ERC2: variants seen among roughly 807,000 people sequenced by gnomAD.
ERC2 encodes ERC protein 2.
In ERC2, 42 loss-of-function variants were observed where a neutral mutation model predicts 114.8. The observed-to-expected ratio is 0.37, with a 90% CI of 0.29 to 0.47. The LOEUF (loss-of-function observed/expected upper bound fraction) is 0.47. ERC2 is among the 20% of genes least tolerant of loss of function. ERC2 has a pLI of 0.99. For synonymous variants in ERC2, 454 were observed against 425.5 expected (o/e 1.07, Z -0.82); for missense variants, 939 against 1,150.7 (o/e 0.82, Z 2.66).
intron 17 of ERC2, among the ~76,000 whole-genome samples, chr3:55,590,923 G>A (rs1315107436): frequency 6.6e-6 from 1 of 152,076 alleles, no homozygotes; most frequent in Non-Finnish European, 1.5e-5. Flanking sequence ...CTGCCTCCCG[G>A]GTTCAAGCGA....
At chr3:56,014,722 T>C (rs1258615516) in intron 8 of ERC2, among the ~76,000 whole-genome samples, 1 of 152,162 alleles carries the variant, frequency 6.6e-6, no homozygotes, top group Non-Finnish European at 1.5e-5. Context: ...CAAGAATTCA[T>C]GACATGAAAA....
chr3:56,211,519 C>G (rs1339964825), intron 3 of ERC2, among the ~76,000 whole-genome samples: 2 of 151,824 alleles, frequency 1.3e-5, no homozygotes. Flanking sequence ...ATGATTAATT[C>G]TACACAATAG....
chr3:56,186,686 C>T (rs28655135), intron 3 of ERC2, among the ~76,000 whole-genome samples: 4,391 of 152,066 alleles, frequency 0.029, 69 homozygotes, highest in Middle Eastern at 0.054. Context: ...TTACAGGTGC[C>T]TGCCACCATG....
chr3:55,512,352 A>C (rs779963775), intron 17 of ERC2, among the ~76,000 whole-genome samples: 3 of 152,218 alleles, frequency 2.0e-5, no homozygotes, highest in Non-Finnish European at 4.4e-5. Context: ...TGACTTTTGC[A>C]GAGCCAGAAA....
chr3:56,008,996 C>T (rs935321371), intron 9 of ERC2, among the ~76,000 whole-genome samples: 2 of 152,096 alleles, frequency 1.3e-5, no homozygotes, highest in African/African-American at 2.4e-5. Context: ...TCTTGCAGAA[C>T]CCTGACTGAC....
At chr3:55,606,729 C>T (rs1353482633) in intron 17 of ERC2, 1 of 152,340 alleles carries the variant, frequency 6.6e-6, no homozygotes, top group African/African-American at 2.4e-5. Context: ...AAACCCAGCA[C>T]CCAGCATTTG....
chr3:55,812,928 C>T (rs906652528), intron 14 of ERC2, among the ~76,000 whole-genome samples: 1 of 152,350 alleles, frequency 6.6e-6, no homozygotes, highest in Admixed American at 6.5e-5. Flanking sequence ...AATCAAGTAT[C>T]ATGGTGAAAT....
chr3:56,426,708 C>T (rs771803591), intron 2 of ERC2, among the ~76,000 whole-genome samples: 1 of 152,184 alleles, frequency 6.6e-6, no homozygotes, highest in Non-Finnish European at 1.5e-5. Context: ...AGACATGGAA[C>T]GTACCTAAAC....
intron 6 of ERC2, among the ~76,000 whole-genome samples, chr3:56,117,483 C>T (rs2149845615): frequency 6.6e-6 from 1 of 152,302 alleles, no homozygotes; most frequent in Middle Eastern, 3.4e-3. Context: ...CCTCAACAAT[C>T]ATGAGGAGCA....
At chr3:55,859,859 G>A (rs934511187) in intron 14 of ERC2, among the ~76,000 whole-genome samples, 6 of 151,878 alleles carry the variant, frequency 4.0e-5, no homozygotes, top group Non-Finnish European at 8.8e-5. Context: ...ACAAACCAGG[G>A]GGATGACACT....
At chr3:56,175,037 A>C (rs1018694300) in intron 3 of ERC2, among the ~76,000 whole-genome samples, 1 of 152,116 alleles carries the variant, frequency 6.6e-6, no homozygotes, top group Non-Finnish European at 1.5e-5. Context: ...CTCAAGACAC[A>C]CAATAAAAGA....
chr3:56,136,843 G>A (rs570289205), intron 6 of ERC2, among the ~76,000 whole-genome samples: 4 of 152,246 alleles, frequency 2.6e-5, no homozygotes, highest in South Asian at 2.1e-4. Context: ...TTCCTCAGCC[G>A]TTTCCAGCTG....
At chr3:56,345,533 G>A (rs2058270972) in intron 2 of ERC2, among the ~76,000 whole-genome samples, 1 of 152,190 alleles carries the variant, frequency 6.6e-6, no homozygotes, top group African/African-American at 2.4e-5. Flanking sequence ...AAACGTCACT[G>A]GGGGGACTGC....
At chr3:55,931,906 T>C (rs1485132435) in intron 13 of ERC2, among the ~76,000 whole-genome samples, 2 of 152,202 alleles carry the variant, frequency 1.3e-5, no homozygotes, top group African/African-American at 4.8e-5. Flanking sequence ...CTTAAGCTGT[T>C]TTCTGCATTT....
chr3:55,782,860 C>T (rs1357146093), intron 14 of ERC2, among the ~76,000 whole-genome samples: 3 of 152,188 alleles, frequency 2.0e-5, no homozygotes, highest in African/African-American at 4.8e-5. Flanking sequence ...ATAGCAGAGG[C>T]ATCAAATTAG....
chr3:56,274,810 G>A (rs565275369), intron 3 of ERC2, among the ~76,000 whole-genome samples: 2 of 152,192 alleles, frequency 1.3e-5, no homozygotes, highest in Non-Finnish European at 2.9e-5. Flanking sequence ...CTAAGGCGAT[G>A]ACATGGTGAG....
intron 13 of ERC2, among the ~76,000 whole-genome samples, chr3:55,920,633 T>C (rs1415562881): frequency 6.6e-6 from 1 of 152,148 alleles, no homozygotes; most frequent in Non-Finnish European, 1.5e-5. Flanking sequence ...TACATCAACA[T>C]GAATTCTACT....
At chr3:56,211,394 C>T (rs1470284892) in intron 3 of ERC2, among the ~76,000 whole-genome samples, 1 of 152,048 alleles carries the variant, frequency 6.6e-6, no homozygotes, top group East Asian at 1.9e-4. Context: ...TATACTTAAG[C>T]AAGGAGGTGA....
intron 3 of ERC2, among the ~76,000 whole-genome samples, chr3:56,226,947 A>T (rs2050285957): frequency 6.6e-6 from 1 of 152,126 alleles, no homozygotes; most frequent in Non-Finnish European, 1.5e-5. Flanking sequence ...CCTTGTTTAA[A>T]ATTCTTATGC....
Sources: gnomAD v4.1 joint callset for allele counts (sites outside exome capture counted in the v4.1 genomes callset) on GRCh38, gnomAD v4.1.1 for gene constraint, MANE v1.5 for transcripts, NCBI Gene and HGNC (gene_info 2026-07-23, HGNC 2026-07-21) for gene names.